The following PTK6 variants were observed in gnomAD, a reference collection of about 807,000 sequenced individuals.
PTK6 encodes protein-tyrosine kinase 6.
In PTK6, 47 loss-of-function variants were observed where a neutral mutation model predicts 47.5. The ratio of observed to expected loss-of-function variants is 0.99; its 90% CI spans 0.78 to 1.26. The LOEUF is 1.26. Among genes scored for constraint, PTK6 ranks in the 50% most tolerant of loss-of-function variants. The pLI is 0.00. For missense variants in PTK6, 618 were observed against 625.3 expected (o/e 0.99, Z 0.12); for synonymous variants, 287 against 276.5 (o/e 1.04, Z -0.38).
rs1357312667 is a variant in PTK6 at position 63,531,438 on chromosome 20, ATATATATAT to A, written c.833-520_833-512del. On this transcript the variant is annotated intron_variant, in intron 5 of 7. Transcript: ENST00000542869. ...TCCGTCTCAAAAAAAAAAAAAAAAAATATATATATATATATATATATATATAATTAGCTG... is the reference window on the plus strand; with the variant it reads ...TCCGTCTCAAAAAAAAAAAAAAAAAAATATATATATATATATAATTAGCTG... Among the ~76,000 whole-genome samples the A allele has an allele frequency of 2.4e-3, 164 of 68,608 alleles. 3 individuals are homozygous for A. The highest frequency in any genetic ancestry group is 0.017 in the African/African-American group (158 of 9,318). The allele number at this position is 68,608 out of a possible 152,430, so 45.0% of individuals were successfully genotyped here. A position where few individuals can be genotyped will look rare whatever the true frequency, so the allele number is the denominator to read the frequency against.
intron 5 of PTK6, among the ~76,000 whole-genome samples, chr20:63,532,317 ATGTG>A (rs1223413627): frequency 2.5e-5 from 3 of 119,408 alleles, no homozygotes; most frequent in Admixed American, 7.7e-5. Context: ...CTGTGTGTGC[ATGTG>A]TATGTCTGTG....
chr20:63,528,030 G>A lies in PTK6; in HGVS notation c.*1506C>T, dbSNP rs568181687. 2.6e-5 allele frequency: 4 copies of A among 152,348 alleles called. No homozygotes were observed. The highest frequency in any genetic ancestry group is 4.8e-5 in the African/African-American group (2 of 41,566). The allele number at this position is 152,348 out of a possible 1,614,324, so 9.4% of individuals were successfully genotyped here. A position where few individuals can be genotyped will look rare whatever the true frequency, so the allele number is the denominator to read the frequency against. ...GATCTGATGAGAGTTTATTATATTC[G>A]TGACACGGTTGGCAAGGAAACTTGG... On this transcript the variant is annotated 3_prime_UTR_variant, in exon 8 of 8. Transcript: ENST00000542869.
intron 5 of PTK6, 100 bp from the exon 6 acceptor site, chr20:63,531,027 G>A (rs1251085042): frequency 5.9e-6 from 7 of 1,179,420 alleles, no homozygotes; most frequent in South Asian, 1.7e-5. Context: ...TCCAAGCTCT[G>A]CGGGCTCAGA....
Position 63,532,514 on chromosome 20 carries a change from C to G in PTK6, c.832+12G>C. 6.2e-7 allele frequency: 1 copy of G among 1,601,628 alleles called. No individual in the cohort carries two copies. The highest frequency in any genetic ancestry group is 8.5e-7 in the Non-Finnish European group (1 of 1,170,786). On this transcript the variant is annotated intron_variant, in intron 5 of 7. Coordinates refer to ENST00000542869, the MANE Select transcript of PTK6 (RefSeq NM_005975.4). ...GCTGCCTCCAGCAAGAGCCCCGGCC[C>G]ATGCCACTCACCGCGGAGCAGCTCC... is the stretch of plus-strand genomic sequence containing the variant.
chr20:63,535,107 T>G (rs868643073), intron 1 of PTK6, 48 bp from the exon 2 acceptor site: 5 of 1,544,356 alleles, frequency 3.2e-6, no homozygotes, highest in East Asian at 2.3e-5. Flanking sequence ...CCACCCCACG[T>G]GGACCCCACG....
At position 63,529,646 on chromosome 20, in the gene PTK6, C is replaced by T. The variant is rs536469490; in HGVS notation, c.1246G>A (p.Val416Met). Residue 416 changes from valine to methionine, a missense_variant, in exon 8 of 8, where the codon GTG becomes ATG. By Grantham distance (21) the Val-to-Met change is conservative. Coordinates refer to ENST00000542869, the MANE Select transcript of PTK6 (RefSeq NM_005975.4). The surrounding 1 kb of genome is among the most constrained non-coding windows in gnomAD (Gnocchi z 5.6). ...MPCPLECPPS[V>M]HKLMLTCWCR... ...CAGCATGTCAGCATCAGCTTGTGCA[C>T]GCTGGGCGGGCACTCCAGAGGGCAG... 49 of 1,548,448 alleles carry T rather than the reference C, an allele frequency of 3.2e-5. No homozygotes were observed. The highest frequency in any genetic ancestry group is 2.7e-4 in the East Asian group (11 of 41,080).
In PTK6 at chr20:63,529,824, A is replaced by C; in HGVS notation, c.1169-101T>G. ...TGCCCCTTCCTGGGGCCTTCCCCGC[A>C]GCCTCAGCTGCCATGCCTTGGCGCC... On this transcript the variant is annotated intron_variant, in intron 7 of 7. Coordinates refer to ENST00000542869, the MANE Select transcript of PTK6 (RefSeq NM_005975.4). The surrounding 1 kb of genome is among the most constrained non-coding windows in gnomAD (Gnocchi z 5.6). 7.6e-7 allele frequency: 1 copy of C among 1,318,928 alleles called. No individual in the cohort carries two copies. The highest frequency in any genetic ancestry group is 2.5e-5 in the East Asian group (1 of 39,564). The allele number at this position is 1,318,928 out of a possible 1,614,324, so 81.7% of individuals were successfully genotyped here.
At position 63,537,141 on chromosome 20, in the gene PTK6, G is replaced by A. The variant is rs56017597; in HGVS notation, c.174C>T (p.Ala58=). Residue 58 remains alanine, a synonymous_variant, in exon 1 of 8, where the codon GCC becomes GCT. Coordinates refer to ENST00000542869, the MANE Select transcript of PTK6 (RefSeq NM_005975.4). ...GGTAGTTGTGGGGCACATAGCCCTG[G>A]GCCACGGCCCCACCCGCCTCGTCCA... The part of the protein sequence containing the change: ...TLLDEAGGAV[A]QGYVPHNYLA... 2 of 1,610,844 alleles carry A rather than the reference G, an allele frequency of 1.2e-6. No individual in the cohort carries two copies. Among genetic ancestry groups the A allele is most frequent in the East Asian group, 2.2e-5 (1 of 44,748 alleles).
intron 2 of PTK6, 82 bp downstream of exon 2, chr20:63,534,856 A>G: frequency 4.0e-6 from 6 of 1,490,898 alleles, no homozygotes; most frequent in Non-Finnish European, 5.4e-6. Flanking sequence ...AGCCAGAGCG[A>G]GCCGGGTTCA....
At chr20:63,532,801 A>AGGTCTGTGTGTCCTG in intron 4 of PTK6, 114 bp from the exon 5 acceptor site, 1 of 1,367,670 alleles carries the variant, frequency 7.3e-7, no homozygotes, top group Non-Finnish European at 9.8e-7. Context: ...GCTGTGCAGG[A>AGGTCTGTGTGTCCTG]CACACAGACC....
At chr20:63,531,438 AT>A (rs1206963703) in intron 5 of PTK6, among the ~76,000 whole-genome samples, 4,916 of 68,234 alleles carry the variant, frequency 0.072, 329 homozygotes, top group African/African-American at 0.19. Flanking sequence ...AAAAAAAAAA[AT>A]ATATATATAT....
intron 5 of PTK6, among the ~76,000 whole-genome samples, chr20:63,532,171 G>GTGTC (rs1402414314): frequency 3.1e-4 from 47 of 151,062 alleles, no homozygotes; most frequent in African/African-American, 1.1e-3. Context: ...CTGTGTGTGT[G>GTGTC]TGTGTCTGTG....
rs778476657 is a variant in PTK6 at position 63,529,630 on chromosome 20, A to G, written c.1262T>C (p.Leu421Pro). 9 of 1,551,804 alleles carry G rather than the reference A, an allele frequency of 5.8e-6. No individual in the cohort carries two copies. The highest frequency in any genetic ancestry group is 7.8e-6 in the Non-Finnish European group (9 of 1,148,394). ...CTCGGGGTCCCTGCACCAGCATGTC[A>G]GCATCAGCTTGTGCACGCTGGGCGG... ...ECPPSVHKLM[L>P]TCWCRDPEQR... Residue 421 changes from leucine to proline, a missense_variant, in exon 8 of 8, where the codon CTG (leucine) becomes CCG (proline). By Grantham distance (98) the Leu-to-Pro change is moderately conservative. Coordinates refer to ENST00000542869, the MANE Select transcript of PTK6 (RefSeq NM_005975.4). This position sits in a 1 kb window ranked among gnomAD's most constrained non-coding sequence, Gnocchi z 5.6.
At position 63,528,404 on chromosome 20, in the gene PTK6, C is replaced by CTTTTTTTTTT. The variant is rs759127503; in HGVS notation, c.*1122_*1131dup. On this transcript the variant is annotated 3_prime_UTR_variant, in exon 8 of 8. Transcript: ENST00000542869. Reference sequence around the variant, plus strand: ...CTCCCAAAATTATTTTTCTTTCTTTCTTTTTTTTTTTTTTTTTTTTGAGAT... The same window carrying CTTTTTTTTTT: ...CTCCCAAAATTATTTTTCTTTCTTTCTTTTTTTTTTTTTTTTTTTTTTTTTTTTTTGAGAT... The CTTTTTTTTTT allele has an allele frequency of 7.6e-6, 1 of 131,866 alleles. No homozygotes were observed. Among genetic ancestry groups the CTTTTTTTTTT allele is most frequent in the Non-Finnish European group, 1.6e-5 (1 of 61,414 alleles). The allele number at this position is 131,866 out of a possible 1,614,324, so 8.2% of individuals were successfully genotyped here.
intron 3 of PTK6, 46 bp downstream of exon 3, chr20:63,534,106 C>A: frequency 6.7e-7 from 1 of 1,489,112 alleles, no homozygotes; most frequent in Non-Finnish European, 8.9e-7. Flanking sequence ...CAGCCTGTGA[C>A]CCCCCAGCCT....
In PTK6 at chr20:63,533,901, C is replaced by T. The variant is rs532481237; in HGVS notation, c.517-197G>A. ...CCCAGCATGAAACACCCAGACAGAC[C>T]GGAGCCAGGACCCTGCAGAGTGCCG... On this transcript the variant is annotated intron_variant, in intron 3 of 7. Coordinates refer to ENST00000542869, the MANE Select transcript of PTK6 (RefSeq NM_005975.4). The surrounding 1 kb of genome is among the most constrained non-coding windows in gnomAD (Gnocchi z 4.0). Among the ~76,000 whole-genome samples the T allele has an allele frequency of 3.7e-4, 56 of 152,248 alleles. No individual in the cohort carries two copies. The highest frequency in any genetic ancestry group is 1.3e-3 in the African/African-American group (52 of 41,560).
At position 63,533,953 on chromosome 20, in the gene PTK6, C is replaced by G. The variant is rs976636766; in HGVS notation, c.516+199G>C. ...TGGCCTCTCCGAGAGTGGCCAGGCC[C>G]GGGGATGGTCTCCTGGCCCCACCCC... On this transcript the variant is annotated intron_variant, in intron 3 of 7. Coordinates refer to ENST00000542869, the MANE Select transcript of PTK6 (RefSeq NM_005975.4). This position sits in a 1 kb window ranked among gnomAD's most constrained non-coding sequence, Gnocchi z 4.0. 2.0e-5 allele frequency among the ~76,000 whole-genome samples: 3 copies of G among 152,160 alleles called. No individual in the cohort carries two copies. Among genetic ancestry groups the G allele is most frequent in the African/African-American group, 7.2e-5 (3 of 41,440 alleles).
chr20:63,532,453 G>A (rs1028304552), intron 5 of PTK6, 73 bp downstream of exon 5: 1 of 1,399,522 alleles, frequency 7.1e-7, no homozygotes, highest in Non-Finnish European at 9.3e-7. Flanking sequence ...GTAGACGTGG[G>A]GGGGGGGTGT....
rs757196929 is a variant in PTK6 at position 63,534,164 on chromosome 20, C to T, written c.504G>A (p.Ala168=). The change falls in exon 3 of 8, where the codon GCG becomes GCA. Residue 168 remains alanine, a synonymous_variant. Transcript: ENST00000542869. The part of the protein sequence containing the change: ...QSLSHGLRLA[A]PCRKHEPEPL... ...GCGGAGCGGCTACCTTCCGGCAGGG[C>T]GCGGCCAGCCGCAGGCCGTGGGACA... is the stretch of plus-strand genomic sequence containing the variant. 1.3e-6 allele frequency: 2 copies of T among 1,551,932 alleles called. No homozygotes were observed. Among genetic ancestry groups the T allele is most frequent in the African/African-American group, 1.4e-5 (1 of 73,240 alleles).
Sources: gnomAD v4.1 joint callset for allele counts (sites outside exome capture counted in the v4.1 genomes callset) on GRCh38, gnomAD v4.1.1 for gene constraint, Gnocchi (gnomAD v3.1) non-coding constraint, MANE v1.5 for transcripts, NCBI Gene and HGNC (gene_info 2026-07-23, HGNC 2026-07-21) for gene names.